The following EEF1G variants were observed in gnomAD, a reference collection of about 807,000 sequenced individuals.
The protein encoded by EEF1G is eukaryotic translation elongation factor 1 gamma.
In EEF1G, 14 loss-of-function variants were observed where a neutral mutation model predicts 58.3. The observed-to-expected ratio is 0.24, with a 90% CI of 0.16 to 0.38. The LOEUF is 0.38. EEF1G is among the 10% of genes least tolerant of loss of function. The pLI, the probability that EEF1G is intolerant of heterozygous loss-of-function variation, is 1.00. For missense variants in EEF1G, 322 were observed against 550.1 expected (o/e 0.59, Z 4.15); for synonymous variants, 180 against 206.8 (o/e 0.87, Z 1.11).
chr11:62,569,754 C>G (rs1182996232), intron 5 of EEF1G, among the ~76,000 whole-genome samples: 1 of 152,206 alleles, frequency 6.6e-6, no homozygotes, highest in East Asian at 1.9e-4. Context: ...TAGATTCACT[C>G]ACTAAGATGA....
At position 62,573,873 on chromosome 11, in the gene EEF1G, C is replaced by G. The variant is rs1274960653; in HGVS notation, c.-31G>C. ...TTCCGCAAAGAAAGGGGGTGGGGTT[C>G]TCGGCGCTGCCGCAAAGTAAGCCGC... On this transcript the variant is annotated 5_prime_UTR_variant, in exon 1 of 10. Coordinates refer to ENST00000329251, the MANE Select transcript of EEF1G (RefSeq NM_001404.5). 8 of 1,613,586 alleles carry G rather than the reference C, an allele frequency of 5.0e-6. No individual in the cohort carries two copies. Among genetic ancestry groups the G allele is most frequent in the Non-Finnish European group, 5.9e-6 (7 of 1,179,854 alleles).
rs1941477156 is a variant in EEF1G, at chr11:62,560,018, CT to C, written c.1155+50del. The stretch of plus-strand genomic sequence containing the variant: ...AACTCAGAAATAAAACACAGTGCTT[CT>C]TATATCCCTGCCCCACCCTAAAGAG... On this transcript the variant is annotated intron_variant, in intron 9 of 9. Coordinates refer to ENST00000329251, the MANE Select transcript of EEF1G (RefSeq NM_001404.5). 2.5e-6 allele frequency: 4 copies of C among 1,612,310 alleles called. No homozygotes were observed. The Admixed American group carries it at 5.0e-5, about 20-fold the overall frequency.
chr11:62,560,222 T>C (rs774823870), intron 8 of EEF1G, 29 bp from the exon 9 acceptor site: 1 of 1,614,012 alleles, frequency 6.2e-7, no homozygotes, highest in African/African-American at 1.3e-5. Context: ...ACATTCAGCC[T>C]TTGGAATCAC....
chr11:62,566,886 A>G lies in EEF1G; in HGVS notation c.777T>C (p.Pro259=). 1 of 1,613,604 alleles carries G rather than the reference A, an allele frequency of 6.2e-7. No homozygotes were observed. The highest frequency in any genetic ancestry group is 1.3e-5 in the African/African-American group (1 of 75,014). ...GCTCACATTCATCCATCTCCTCCTC[A>G]GGAGCAGGGGCAGCCGCCTTTTTCT... ...KEEKKAAAPA[P]EEEMDECEQA... The change falls in exon 7 of 10, where the codon CCT becomes CCC. Residue 259 remains proline, a synonymous_variant. Transcript: ENST00000329251.
At chr11:62,561,804 C>T (rs1337986415) in intron 7 of EEF1G, among the ~76,000 whole-genome samples, 1 of 152,050 alleles carries the variant, frequency 6.6e-6, no homozygotes, top group Non-Finnish European at 1.5e-5. Context: ...TCTTTAACCA[C>T]CTAGCCTTGC....
At chr11:62,573,809 C>A (rs758715719) in intron 1 of EEF1G, 22 bp downstream of exon 1, 1 of 1,613,590 alleles carries the variant, frequency 6.2e-7, no homozygotes, top group Non-Finnish European at 8.5e-7. Context: ...ATGACCCGAA[C>A]CACCAGAGCC....
At chr11:62,560,255 C>A in intron 8 of EEF1G, 27 bp downstream of exon 8, 2 of 1,613,894 alleles carry the variant, frequency 1.2e-6, no homozygotes, top group Non-Finnish European at 8.5e-7. Flanking sequence ...ACCTTGTTCT[C>A]CTTCCTTCTC....
intron 7 of EEF1G, 56 bp from the exon 8 acceptor site, chr11:62,560,510 G>A: frequency 6.4e-7 from 1 of 1,565,250 alleles, no homozygotes; most frequent in East Asian, 2.3e-5. Flanking sequence ...GCCAGGCTAA[G>A]AGAAGTGAAG....
chr11:62,559,936 T>G, intron 9 of EEF1G, 99 bp from the exon 10 acceptor site: 1 of 1,608,118 alleles, frequency 6.2e-7, no homozygotes. Flanking sequence ...CCAGGTCTCC[T>G]GTGAACATGA....
intron 2 of EEF1G, among the ~76,000 whole-genome samples, chr11:62,572,213 T>C (rs546545794): frequency 9.9e-5 from 15 of 152,220 alleles, no homozygotes; most frequent in Middle Eastern, 3.4e-3. Context: ...AGTATTAGTG[T>C]GTGACCCAGA....
At chr11:62,570,215 C>T (rs1008391842) in intron 5 of EEF1G, among the ~76,000 whole-genome samples, 2 of 152,106 alleles carry the variant, frequency 1.3e-5, no homozygotes, top group Non-Finnish European at 2.9e-5. Context: ...GCTCCTACCA[C>T]CACGCCCGGC....
At chr11:62,573,729 T>C in intron 1 of EEF1G, 102 bp downstream of exon 1, 1 of 1,523,280 alleles carries the variant, frequency 6.6e-7, no homozygotes, top group Non-Finnish European at 9.0e-7. Flanking sequence ...CCGAATCAGT[T>C]CCCCACTCAA....
chr11:62,561,688 A>AAAAAAAAAAAAAAAAAAAAAC (rs1941498250), intron 7 of EEF1G, among the ~76,000 whole-genome samples: 1 of 140,432 alleles, frequency 7.1e-6, no homozygotes, highest in Non-Finnish European at 1.6e-5. Flanking sequence ...AAAACAAAAA[A>AAAAAAAAAAAAAAAAAAAAAC]AAAAAAAACA....
rs754379472 is a variant in EEF1G at position 62,567,561 on chromosome 11, T to C, written c.523-33A>G. ...GACATAAGGGTGTAAACAAAGTCAG[T>C]GGAAAGGCCCTGAAGAGTTCTGTTC... On this transcript the variant is annotated intron_variant, in intron 5 of 9. Coordinates refer to ENST00000329251, the MANE Select transcript of EEF1G (RefSeq NM_001404.5). 9 of 1,554,186 alleles carry C rather than the reference T, an allele frequency of 5.8e-6. No homozygotes were observed. In the South Asian group the frequency reaches 6.2e-5, roughly 11 times the overall value.
rs778716142 is a variant in EEF1G, at chr11:62,559,828, C to A, written c.1165G>T (p.Asp389Tyr). 6.2e-7 allele frequency: 1 copy of A among 1,614,026 alleles called. No individual in the cohort carries two copies. The highest frequency in any genetic ancestry group is 8.5e-7 in the Non-Finnish European group (1 of 1,179,902). Reference protein sequence around the residue: ...GQELAFPLSPDWQVDYESYTW... With the variant: ...GQELAFPLSPYWQVDYESYTW... ...TATGACTCGTAGTCCACCTGCCAAT[C>A]TGGACTCAGCTGGGGATAAAAAGCC... Residue 389 changes from aspartate to tyrosine, a missense_variant, in exon 10 of 10, where the codon GAT becomes TAT. Transcript: ENST00000329251.
intron 7 of EEF1G, among the ~76,000 whole-genome samples, chr11:62,561,445 C>T (rs571508776): frequency 7.5e-5 from 11 of 147,054 alleles, no homozygotes; most frequent in African/African-American, 2.5e-4. Context: ...GAGGCCGAGG[C>T]GGGCGGATCA....
At chr11:62,572,521 G>C in intron 2 of EEF1G, 63 bp downstream of exon 2, 4 of 1,595,524 alleles carry the variant, frequency 2.5e-6, no homozygotes, top group Non-Finnish European at 2.6e-6. Context: ...CACCACCAGA[G>C]TGACAGAATC....
intron 2 of EEF1G, 24 bp downstream of exon 2, chr11:62,572,560 G>A: frequency 6.2e-7 from 1 of 1,611,624 alleles, no homozygotes; most frequent in East Asian, 2.2e-5. Context: ...AGAACCGAAG[G>A]ATGCTCCCCA....
chr11:62,570,938 G>A (rs1377241657), intron 5 of EEF1G, 27 bp downstream of exon 5: 1 of 1,613,350 alleles, frequency 6.2e-7, no homozygotes, highest in South Asian at 1.1e-5. Flanking sequence ...TCTACCCACT[G>A]CCAAATGGAT....
Sources: gnomAD v4.1 joint callset for allele counts (sites outside exome capture counted in the v4.1 genomes callset) on GRCh38, gnomAD v4.1.1 for gene constraint, MANE v1.5 for transcripts, NCBI Gene and HGNC (gene_info 2026-07-23, HGNC 2026-07-21) for gene names.